GHR: variants seen among roughly 807,000 people sequenced by gnomAD.
GHR encodes the protein GH receptor.
Under a neutral mutation model 67.1 loss-of-function variants are expected in GHR, and 35 were observed. The ratio of observed to expected loss-of-function variants is 0.52; its 90% CI spans 0.40 to 0.69. The LOEUF (loss-of-function observed/expected upper bound fraction) is 0.69. GHR is among the 30% of genes least tolerant of loss of function. The pLI, the probability that GHR is intolerant of heterozygous loss-of-function variation, is 0.00. For synonymous variants in GHR, 272 were observed against 269.1 expected (o/e 1.01, Z -0.10); for missense variants, 792 against 764.6 (o/e 1.04, Z -0.42).
intron 3 of GHR, among the ~76,000 whole-genome samples, chr5:42,661,740 A>G (rs1363643333): frequency 6.6e-6 from 1 of 152,236 alleles, no homozygotes; most frequent in African/African-American, 2.4e-5. Flanking sequence ...ACAGGATCAA[A>G]TTCACACATA....
intron 2 of GHR, among the ~76,000 whole-genome samples, chr5:42,571,753 C>T (rs1039423178): frequency 6.6e-6 from 1 of 152,166 alleles, no homozygotes; most frequent in Admixed American, 6.5e-5. Flanking sequence ...CCAGCTCTTA[C>T]GGGAACAGAG....
chr5:42,467,153 G>A (rs1407725964), intron 1 of GHR: 8 of 1,600,084 alleles, frequency 5.0e-6, no homozygotes, highest in Non-Finnish European at 6.8e-6. Flanking sequence ...TCTCCACTGT[G>A]AATTCTCTGG....
intron 7 of GHR, among the ~76,000 whole-genome samples, chr5:42,712,791 C>A (rs1004181263): frequency 2.6e-5 from 4 of 151,658 alleles, no homozygotes; most frequent in African/African-American, 9.7e-5. Context: ...TATACTAAAA[C>A]CTGAAGATGG....
intron 2 of GHR, among the ~76,000 whole-genome samples, chr5:42,589,220 A>T (rs1751650234): frequency 6.6e-6 from 1 of 152,150 alleles, no homozygotes; most frequent in Non-Finnish European, 1.5e-5. Flanking sequence ...AGTATCTCCT[A>T]CCTTCTGTCT....
intron 2 of GHR, among the ~76,000 whole-genome samples, chr5:42,583,783 C>A (rs958440185): frequency 6.6e-6 from 1 of 151,840 alleles, no homozygotes; most frequent in African/African-American, 2.4e-5. Flanking sequence ...CCAAATTCTT[C>A]TTCTTGCAAA....
intron 2 of GHR, among the ~76,000 whole-genome samples, chr5:42,620,002 G>A (rs908931210): frequency 1.3e-5 from 2 of 152,136 alleles, no homozygotes; most frequent in African/African-American, 2.4e-5. Context: ...CAAACATGCT[G>A]CTGCATGCAA....
chr5:42,467,168 C>A, intron 1 of GHR: 1 of 1,597,672 alleles, frequency 6.3e-7, no homozygotes, highest in Non-Finnish European at 8.6e-7. Flanking sequence ...CTCTGGTGGA[C>A]AAAAAGGCAA....
chr5:42,624,254 C>G (rs560062610), intron 2 of GHR, among the ~76,000 whole-genome samples: 1 of 152,266 alleles, frequency 6.6e-6, no homozygotes, highest in South Asian at 2.1e-4. Context: ...CTGGCCAGGG[C>G]TCCCCAAGCA....
At chr5:42,521,145 G>T (rs750420724) in intron 1 of GHR, among the ~76,000 whole-genome samples, 1 of 152,188 alleles carries the variant, frequency 6.6e-6, no homozygotes, top group Non-Finnish European at 1.5e-5. Flanking sequence ...TGCGTATATG[G>T]CAAGTGGCGA....
intron 1 of GHR, among the ~76,000 whole-genome samples, chr5:42,555,311 T>C (rs1749249353): frequency 6.6e-6 from 1 of 152,230 alleles, no homozygotes; most frequent in South Asian, 2.1e-4. Flanking sequence ...AACTGCCATG[T>C]CAGCACTTAT....
At chr5:42,518,214 T>G (rs373457271) in intron 1 of GHR, among the ~76,000 whole-genome samples, 5 of 149,270 alleles carry the variant, frequency 3.3e-5, no homozygotes, top group East Asian at 1.9e-4. Context: ...TGTGTGTGTG[T>G]GGGCAGCTAC....
chr5:42,592,063 A>G (rs867383705), intron 2 of GHR, among the ~76,000 whole-genome samples: 1 of 152,188 alleles, frequency 6.6e-6, no homozygotes. Flanking sequence ...TCAGTGTTTC[A>G]GGGAGCCTGC....
At chr5:42,647,292 C>T (rs568042166) in intron 3 of GHR, among the ~76,000 whole-genome samples, 29 of 151,910 alleles carry the variant, frequency 1.9e-4, no homozygotes, top group Non-Finnish European at 3.7e-4. Flanking sequence ...ATATAAAAAT[C>T]GGCCGGGCGT....
chr5:42,681,997 T>C (rs1204473629), intron 3 of GHR, among the ~76,000 whole-genome samples: 1 of 143,366 alleles, frequency 7.0e-6, no homozygotes, highest in Non-Finnish European at 1.5e-5. Flanking sequence ...CTATTCACAA[T>C]AGCAAAGACT....
intron 2 of GHR, among the ~76,000 whole-genome samples, chr5:42,572,619 C>A (rs1750392452): frequency 6.6e-6 from 1 of 152,212 alleles, no homozygotes; most frequent in Non-Finnish European, 1.5e-5. Context: ...GCTGCAAATC[C>A]ATTTTTTCTT....
chr5:42,526,661 T>C (rs1287066150), intron 1 of GHR, among the ~76,000 whole-genome samples: 1 of 152,200 alleles, frequency 6.6e-6, no homozygotes, highest in Non-Finnish European at 1.5e-5. Flanking sequence ...ATGAAGTTGG[T>C]GACTTTAAGT....
At chr5:42,518,176 TA>T (rs1363694357) in intron 1 of GHR, among the ~76,000 whole-genome samples, 1 of 148,688 alleles carries the variant, frequency 6.7e-6, no homozygotes, top group African/African-American at 2.5e-5. Flanking sequence ...ATATTCATAA[TA>T]ATGATTAATG....
At chr5:42,637,837 G>A (rs1345799372) in intron 3 of GHR, among the ~76,000 whole-genome samples, 1 of 152,148 alleles carries the variant, frequency 6.6e-6, no homozygotes, top group Non-Finnish European at 1.5e-5. Context: ...GGATTGCTAG[G>A]TTGAATGGTA....
intron 2 of GHR, among the ~76,000 whole-genome samples, chr5:42,606,179 A>C (rs1005899949): frequency 6.6e-6 from 1 of 151,976 alleles, no homozygotes; most frequent in Non-Finnish European, 1.5e-5. Flanking sequence ...TAGATGCTTG[A>C]TTTTATCATT....
Sources: allele counts gnomAD v4.1 joint callset (sites outside exome capture counted in the v4.1 genomes callset), GRCh38; gene constraint gnomAD v4.1.1; transcripts MANE v1.5; gene names NCBI Gene and HGNC (gene_info 2026-07-23, HGNC 2026-07-21).